Variants in SLC24A4 observed in about 807,000 individuals in gnomAD.
The protein encoded by SLC24A4 is solute carrier family 24 member 4, also known as sodium/potassium/calcium exchanger 4.
SLC24A4 carries 53 observed loss-of-function variants against 79.0 expected under a neutral mutation model. That is an observed-to-expected ratio of 0.67 (90% CI 0.54 to 0.84). The LOEUF (loss-of-function observed/expected upper bound fraction) is 0.84. Ranked by LOEUF, SLC24A4 falls within the 40% of genes least tolerant of loss-of-function variation. SLC24A4 has a pLI of 0.00. For synonymous variants in SLC24A4, 323 were observed against 323.8 expected (o/e 1.00, Z 0.03); for missense variants, 731 against 822.0 (o/e 0.89, Z 1.35).
At chr14:92,416,059 G>T (rs893904410) in intron 2 of SLC24A4, among the ~76,000 whole-genome samples, 5 of 152,114 alleles carry the variant, frequency 3.3e-5, no homozygotes, top group Non-Finnish European at 7.4e-5. Context: ...TAAACTCTGT[G>T]GAGATGTAGA....
At chr14:92,342,264 T>TG (rs1886187289) in intron 2 of SLC24A4, among the ~76,000 whole-genome samples, 1 of 143,572 alleles carries the variant, frequency 7.0e-6, no homozygotes. Context: ...CATGGTCACC[T>TG]GGGGACCTAG....
At chr14:92,483,689 C>A in intron 13 of SLC24A4, 3 of 1,264,856 alleles carry the variant, frequency 2.4e-6, no homozygotes, top group Non-Finnish European at 3.1e-6. Flanking sequence ...TCTCTGTATA[C>A]CACCTAATGG....
chr14:92,406,865 T>G (rs1002163628), intron 2 of SLC24A4, among the ~76,000 whole-genome samples: 1 of 152,216 alleles, frequency 6.6e-6, no homozygotes, highest in Non-Finnish European at 1.5e-5. Context: ...ATTCAGCTCC[T>G]CTTTACTATG....
chr14:92,473,702 G>A (rs1034135930), intron 12 of SLC24A4, among the ~76,000 whole-genome samples: 4 of 152,118 alleles, frequency 2.6e-5, no homozygotes, highest in Admixed American at 6.6e-5. Flanking sequence ...CCCCATGCTC[G>A]TCTCTGTCCC....
At chr14:92,328,804 C>T (rs1227341385) in intron 2 of SLC24A4, among the ~76,000 whole-genome samples, 1 of 152,262 alleles carries the variant, frequency 6.6e-6, no homozygotes, top group East Asian at 1.9e-4. Flanking sequence ...CCAGGACTGG[C>T]TTAGACCTTG....
chr14:92,460,738 T>G (rs1053670182), intron 12 of SLC24A4, among the ~76,000 whole-genome samples: 2 of 152,218 alleles, frequency 1.3e-5, no homozygotes, highest in African/African-American at 4.8e-5. Flanking sequence ...CACAATGTTC[T>G]TTATACACTG....
chr14:92,474,843 G>GTGTGTGTGTGTGTATATATA (rs779007741), intron 12 of SLC24A4, among the ~76,000 whole-genome samples: 7 of 23,880 alleles, frequency 2.9e-4, no homozygotes, highest in South Asian at 1.5e-3. Context: ...GTGTGTGTGT[G>GTGTGTGTGTGTGTATATATA]TATATATATA....
intron 3 of SLC24A4, among the ~76,000 whole-genome samples, chr14:92,434,365 C>T (rs1158987078): frequency 1.3e-5 from 2 of 152,204 alleles, no homozygotes; most frequent in African/African-American, 4.8e-5. Context: ...ATTCCCATGA[C>T]TACCCCTAAA....
At chr14:92,348,805 C>T (rs995465604) in intron 2 of SLC24A4, among the ~76,000 whole-genome samples, 6 of 152,150 alleles carry the variant, frequency 3.9e-5, no homozygotes, top group African/African-American at 9.7e-5. Context: ...GAGTCCCCTT[C>T]GGTGAAGGTT....
intron 2 of SLC24A4, among the ~76,000 whole-genome samples, chr14:92,372,465 G>A (rs1466916060): frequency 1.3e-5 from 2 of 152,090 alleles, no homozygotes; most frequent in Non-Finnish European, 2.9e-5. Context: ...TGTGGTGGGT[G>A]TGTGCTCAGC....
At chr14:92,417,357 A>G (rs542311724) in intron 2 of SLC24A4, among the ~76,000 whole-genome samples, 3 of 152,320 alleles carry the variant, frequency 2.0e-5, no homozygotes, top group Non-Finnish European at 4.4e-5. Flanking sequence ...AAAAAAGAAA[A>G]ATAGCTTATA....
At chr14:92,376,018 C>G (rs887992024) in intron 2 of SLC24A4, among the ~76,000 whole-genome samples, 5 of 152,102 alleles carry the variant, frequency 3.3e-5, no homozygotes, top group Admixed American at 6.6e-5. Context: ...TAAATTTCAC[C>G]TCAATCAAAA....
chr14:92,411,313 A>C (rs940812574), intron 2 of SLC24A4, among the ~76,000 whole-genome samples: 1 of 152,130 alleles, frequency 6.6e-6, no homozygotes, highest in Non-Finnish European at 1.5e-5. Context: ...CTGTCTATCT[A>C]CTTCCCCAGA....
In SLC24A4 at chr14:92,500,200, T is replaced by G. The variant is rs975034708; in HGVS notation, c.*6572T>G. 3 of 152,240 alleles carry G rather than the reference T, an allele frequency of 2.0e-5. No homozygotes were observed. The highest frequency in any genetic ancestry group is 4.4e-5 in the Non-Finnish European group (3 of 68,048). 9.4% of individuals were successfully genotyped at this position (152,240 alleles called of 1,614,324 possible). A position where few individuals can be genotyped will look rare whatever the true frequency, so the allele number is the denominator to read the frequency against. On this transcript the variant is annotated 3_prime_UTR_variant, in exon 17 of 17. Transcript: ENST00000532405. ...TGTCCACGGGCCAGGCCAATAAAAT[T>G]CTTAATCCTGCAGAGAGTCAGTACC...
chr14:92,461,860 G>T (rs1201647315), intron 12 of SLC24A4, among the ~76,000 whole-genome samples: 1 of 152,192 alleles, frequency 6.6e-6, no homozygotes, highest in Non-Finnish European at 1.5e-5. Context: ...ACTTTACAGA[G>T]AAGGAAGGGG....
intron 2 of SLC24A4, among the ~76,000 whole-genome samples, chr14:92,416,623 C>T (rs1276873940): frequency 1.3e-5 from 2 of 152,194 alleles, no homozygotes; most frequent in Non-Finnish European, 2.9e-5. Flanking sequence ...ACTCATCTGG[C>T]TCAGCTGCTA....
intron 12 of SLC24A4, among the ~76,000 whole-genome samples, chr14:92,477,615 C>T (rs1288542416): frequency 6.6e-6 from 1 of 151,872 alleles, no homozygotes; most frequent in Admixed American, 6.6e-5. Flanking sequence ...CCACCATGCC[C>T]AGCTAGTTTT....
chr14:92,426,000 G>GTCAA (rs895165377), intron 2 of SLC24A4, among the ~76,000 whole-genome samples: 9 of 151,916 alleles, frequency 5.9e-5, no homozygotes, highest in Non-Finnish European at 1.3e-4. Flanking sequence ...CAATCAATCA[G>GTCAA]TCAATCAATC....
At chr14:92,334,340 C>G (rs759431774) in intron 2 of SLC24A4, among the ~76,000 whole-genome samples, 14 of 152,170 alleles carry the variant, frequency 9.2e-5, no homozygotes, top group Non-Finnish European at 1.6e-4. Flanking sequence ...CCATACTGGA[C>G]AGCCATAGGC....
Sources: gnomAD v4.1 joint callset for allele counts (sites outside exome capture counted in the v4.1 genomes callset) on GRCh38, gnomAD v4.1.1 for gene constraint, MANE v1.5 for transcripts, NCBI Gene and HGNC (gene_info 2026-07-23, HGNC 2026-07-21) for gene names.